MYOCOS: variants seen among roughly 807,000 people sequenced by gnomAD.
MYOCOS encodes the protein myocilin opposite strand protein.
intron 1 of MYOCOS, among the ~76,000 whole-genome samples, chr1:171,608,095 A>G (rs990074140): frequency 6.6e-6 from 1 of 152,178 alleles, no homozygotes; most frequent in African/African-American, 2.4e-5. Flanking sequence ...TTATGATTCA[A>G]TTATCTCCCA....
intron 2 of MYOCOS, among the ~76,000 whole-genome samples, chr1:171,625,314 A>T (rs548278050): frequency 1.3e-5 from 2 of 152,168 alleles, no homozygotes; most frequent in Non-Finnish European, 2.9e-5. Context: ...CCTCTCAGCA[A>T]CATTAGGGAT....
intron 2 of MYOCOS, among the ~76,000 whole-genome samples, chr1:171,626,182 A>G (rs527435319): frequency 6.6e-6 from 1 of 152,284 alleles, no homozygotes; most frequent in African/African-American, 2.4e-5. Flanking sequence ...TCCCAGGCTC[A>G]AGTGATCCTC....
At chr1:171,615,592 A>G (rs956818839) in intron 2 of MYOCOS, among the ~76,000 whole-genome samples, 51 of 152,186 alleles carry the variant, frequency 3.4e-4, no homozygotes, top group African/African-American at 1.2e-3. Flanking sequence ...TCAACTCATA[A>G]CTTAGAAACC....
chr1:171,609,044 G>A (rs764612635), intron 1 of MYOCOS, among the ~76,000 whole-genome samples: 2 of 152,130 alleles, frequency 1.3e-5, no homozygotes, highest in Non-Finnish European at 2.9e-5. Flanking sequence ...TATACACCCT[G>A]CCATTACAGC....
intron 2 of MYOCOS, among the ~76,000 whole-genome samples, chr1:171,625,367 T>C (rs1316497870): frequency 3.9e-5 from 6 of 152,222 alleles, no homozygotes; most frequent in African/African-American, 1.2e-4. Context: ...TGTGGCCAGA[T>C]TGAAATTTAA....
At chr1:171,616,739 T>G (rs1214300727) in intron 2 of MYOCOS, among the ~76,000 whole-genome samples, 1 of 152,168 alleles carries the variant, frequency 6.6e-6, no homozygotes, top group African/African-American at 2.4e-5. Flanking sequence ...GACAGATTGA[T>G]GAATGTCATA....
chr1:171,603,154 CCA>C (rs1362455545), intron 1 of MYOCOS, among the ~76,000 whole-genome samples: 3 of 152,194 alleles, frequency 2.0e-5, no homozygotes, highest in Non-Finnish European at 4.4e-5. Context: ...CTTCCGTCTC[CCA>C]ACACTAAGTT....
chr1:171,606,454 G>C (rs1652244721), intron 1 of MYOCOS, among the ~76,000 whole-genome samples: 1 of 56,160 alleles, frequency 1.8e-5, no homozygotes, highest in Non-Finnish European at 3.3e-5. Flanking sequence ...AGGCAGCCCG[G>C]CACCAGGCCC....
At chr1:171,612,623 C>G (rs1359168309) in intron 1 of MYOCOS, among the ~76,000 whole-genome samples, 3 of 151,592 alleles carry the variant, frequency 2.0e-5, no homozygotes, top group Non-Finnish European at 4.4e-5. Context: ...GTCAGGAGTT[C>G]GAGACCAGCC....
chr1:171,603,791 C>T (rs1431541641), intron 1 of MYOCOS, among the ~76,000 whole-genome samples: 1 of 152,256 alleles, frequency 6.6e-6, no homozygotes, highest in Admixed American at 6.5e-5. Flanking sequence ...AACTAGACAG[C>T]GTTTCCAAAG....
chr1:171,605,845 A>G (rs1475506447), intron 1 of MYOCOS, among the ~76,000 whole-genome samples: 2 of 152,168 alleles, frequency 1.3e-5, no homozygotes, highest in Non-Finnish European at 2.9e-5. Context: ...AAAAATTATT[A>G]CTAATAAAAC....
upstream of MYOCOS, among the ~76,000 whole-genome samples, chr1:171,621,618 G>A (rs997035201): frequency 3.3e-5 from 5 of 152,078 alleles, no homozygotes; most frequent in African/African-American, 9.6e-5. Flanking sequence ...CTCGTGATCC[G>A]CCCGCCTCGG....
intron 1 of MYOCOS, among the ~76,000 whole-genome samples, chr1:171,603,642 A>G (rs956217520): frequency 2.6e-5 from 4 of 152,268 alleles, no homozygotes; most frequent in African/African-American, 9.6e-5. Context: ...AGAAAAACTC[A>G]TGTCGGCCCC....
chr1:171,605,819 G>A (rs925823163), intron 1 of MYOCOS, among the ~76,000 whole-genome samples: 6 of 152,060 alleles, frequency 3.9e-5, no homozygotes, highest in Non-Finnish European at 7.4e-5. Context: ...CGAATCATAC[G>A]GTTACAAGCT....
rs191141106 is a variant in MYOCOS, at chr1:171,612,699, G to T, written c.-251-2099G>T. 4.9e-3 allele frequency among the ~76,000 whole-genome samples: 750 copies of T among 152,144 alleles called. 5 individuals carry two copies. Among genetic ancestry groups the T allele is most frequent in the African/African-American group, 0.017 (697 of 41,542 alleles). On this transcript the variant is annotated intron_variant, in intron 1 of 3. Transcript: ENST00000636697. ...AAAAAAATTAGCCGGCCGTGGTGGC[G>T]CATGCCTGTAATCCCAGCTACTTGG...
chr1:171,625,623 G>A (rs1370441121), intron 2 of MYOCOS, among the ~76,000 whole-genome samples: 1 of 152,220 alleles, frequency 6.6e-6, no homozygotes, highest in Admixed American at 6.5e-5. Context: ...GGAGGATGGG[G>A]AGACTCTGGT....
At chr1:171,611,859 C>T (rs1652356404) in intron 1 of MYOCOS, among the ~76,000 whole-genome samples, 1 of 149,112 alleles carries the variant, frequency 6.7e-6, no homozygotes. Context: ...TGCCCCAGAC[C>T]TCTGGATCCC....
intron 2 of MYOCOS, among the ~76,000 whole-genome samples, chr1:171,626,239 T>C (rs960986715): frequency 1.3e-5 from 2 of 152,096 alleles, no homozygotes; most frequent in African/African-American, 4.8e-5. Context: ...CATGCTACCA[T>C]GCCTGGCTAA....
chr1:171,607,474 T>G (rs1652272930), intron 1 of MYOCOS, among the ~76,000 whole-genome samples: 1 of 152,158 alleles, frequency 6.6e-6, no homozygotes, highest in Non-Finnish European at 1.5e-5. Flanking sequence ...CCCAAGTTGG[T>G]AAATAAATGT....
Sources: allele counts gnomAD v4.1 joint callset (sites outside exome capture counted in the v4.1 genomes callset), GRCh38; gene constraint gnomAD v4.1.1; transcripts MANE v1.5; gene names NCBI Gene and HGNC (gene_info 2026-07-23, HGNC 2026-07-21).